Variants in TRAPPC9 observed in about 807,000 individuals in gnomAD.
The protein encoded by TRAPPC9 is IKK2 binding protein.
In TRAPPC9, 83 loss-of-function variants were observed where a neutral mutation model predicts 124.0. The observed-to-expected ratio is 0.67, with a 90% CI of 0.56 to 0.80. The LOEUF (loss-of-function observed/expected upper bound fraction) is 0.80. Among genes scored for constraint, TRAPPC9 ranks in the 30% least tolerant of loss-of-function variants. The probability of loss-of-function intolerance (pLI) is 0.00; values close to 1 mark genes in which losing one functional copy is unlikely to be tolerated. For missense variants in TRAPPC9, 1,302 were observed against 1,508.3 expected (o/e 0.86, Z 2.27); for synonymous variants, 638 against 617.5 (o/e 1.03, Z -0.49).
At chr8:140,417,901 G>T (rs988181668) in intron 5 of TRAPPC9, among the ~76,000 whole-genome samples, 5 of 152,212 alleles carry the variant, frequency 3.3e-5, no homozygotes, top group Middle Eastern at 3.2e-3. Flanking sequence ...ATGACTTCAT[G>T]TCCTTTGCAG....
chr8:139,907,906 T>C lies in TRAPPC9; in HGVS notation c.2964+2241A>G, dbSNP rs895408591. 3.9e-5 allele frequency among the ~76,000 whole-genome samples: 6 copies of C among 152,208 alleles called. No homozygotes were observed. The highest frequency in any genetic ancestry group is 1.2e-4 in the African/African-American group (5 of 41,446). ...CAGACAAGCTACGGGGTGCAGGAAC[T>C]GGCCACGCCACTTTCTCTTTGTGAA... On this transcript the variant is annotated intron_variant, in intron 20 of 22. Transcript: ENST00000438773. This position sits in a 1 kb window ranked among gnomAD's most constrained non-coding sequence, Gnocchi z 4.7.
intron 19 of TRAPPC9, among the ~76,000 whole-genome samples, chr8:139,941,281 A>C (rs1833904083): frequency 6.6e-6 from 1 of 152,218 alleles, no homozygotes; most frequent in African/African-American, 2.4e-5. Flanking sequence ...CAGAAGCCTC[A>C]CAGGGAAACA....
intron 20 of TRAPPC9, among the ~76,000 whole-genome samples, chr8:139,889,223 C>T (rs916894424): frequency 6.6e-6 from 1 of 152,182 alleles, no homozygotes; most frequent in Non-Finnish European, 1.5e-5. Flanking sequence ...ATGATTCCAC[C>T]GATCTGAGGC....
intron 6 of TRAPPC9, among the ~76,000 whole-genome samples, chr8:140,404,741 C>T (rs149881744): frequency 2.0e-4 from 30 of 149,720 alleles, no homozygotes; most frequent in Admixed American, 1.0e-3. Flanking sequence ...TGTGTGCACG[C>T]GTGAGCATGT....
intron 16 of TRAPPC9, among the ~76,000 whole-genome samples, chr8:140,249,597 C>CTTTTTTTT (rs35511380): frequency 3.3e-4 from 27 of 81,980 alleles, no homozygotes; most frequent in East Asian, 5.3e-4. Flanking sequence ...ATCTTTCACT[C>CTTTTTTTT]TTTTTTTTTT....
At chr8:139,752,570 C>T (rs1819396060) in intron 21 of TRAPPC9, among the ~76,000 whole-genome samples, 1 of 151,130 alleles carries the variant, frequency 6.6e-6, no homozygotes. Context: ...ATGTACCCAC[C>T]ATCAATCCAG....
intron 15 of TRAPPC9, among the ~76,000 whole-genome samples, chr8:140,269,621 A>G (rs1447389346): frequency 1.3e-5 from 2 of 152,170 alleles, no homozygotes; most frequent in East Asian, 3.8e-4. Context: ...AGGAGGCTGG[A>G]TAGATATGTA....
chr8:139,744,815 T>C (rs1036480703), intron 21 of TRAPPC9, among the ~76,000 whole-genome samples: 1 of 152,232 alleles, frequency 6.6e-6, no homozygotes, highest in African/African-American at 2.4e-5. Flanking sequence ...TTGGGCTCTC[T>C]TGGGTAAATA....
rs751743745 is a variant in TRAPPC9 at position 139,774,109 on chromosome 8, C to T, written c.3056-41907G>A. Among the ~76,000 whole-genome samples, 32 of 152,280 alleles carry T rather than the reference C, an allele frequency of 2.1e-4. No individual in the cohort carries two copies. The Middle Eastern group carries it at 0.01, about 49-fold the overall frequency. On this transcript the variant is annotated intron_variant, in intron 21 of 22. Transcript: ENST00000438773. ...ACAAGCTCCCCAGGCCACATGGACG[C>T]GGGCGAAGGCCACTGGGGCGGCAAG...
In TRAPPC9 at chr8:140,024,021, T is replaced by C. The variant is rs568917903; in HGVS notation, c.2615A>G (p.Tyr872Cys). 9.9e-6 allele frequency: 16 copies of C among 1,613,910 alleles called. No individual in the cohort carries two copies. Among genetic ancestry groups the C allele is most frequent in the African/African-American group, 4.0e-5 (3 of 74,846 alleles). ...YSGGPGHTEG[Y>C]YRNLSLGLHV... Reference sequence around the variant, plus strand: ...CAGCCCCAGGGAGAGATTCCTGTAATATCCTTCAGTGTGGCCCGGGCCTCC... The same window carrying C: ...CAGCCCCAGGGAGAGATTCCTGTAACATCCTTCAGTGTGGCCCGGGCCTCC... The change falls in exon 18 of 23, where the codon TAT (tyrosine) becomes TGT (cysteine). Residue 872 changes from tyrosine to cysteine, a missense_variant. By Grantham distance (194) the Tyr-to-Cys change is radical. Around this residue, in one of 3 missense-constraint regions of TRAPPC9, gnomAD observed 640 missense variants for 679.3 expected, o/e 0.94. Transcript: ENST00000438773.
rs575671177 is a variant in TRAPPC9 at position 140,261,494 on chromosome 8, T to G, written c.2279-8565A>C. On this transcript the variant is annotated intron_variant, in intron 15 of 22. Coordinates refer to ENST00000438773, the MANE Select transcript of TRAPPC9 (RefSeq NM_001160372.4). ...ATAATACCATTACACATAGAACAGG[T>G]TCAACAACTGCTTGCTGAATTAATT... Among the ~76,000 whole-genome samples the G allele has an allele frequency of 1.2e-3, 176 of 152,220 alleles. 1 individual carries two copies. The highest frequency in any genetic ancestry group is 4.2e-3 in the African/African-American group (174 of 41,524).
At chr8:140,405,083 G>A (rs2069444755) in intron 6 of TRAPPC9, among the ~76,000 whole-genome samples, 1 of 152,136 alleles carries the variant, frequency 6.6e-6, no homozygotes, top group Non-Finnish European at 1.5e-5. Flanking sequence ...TTCTTTTCCA[G>A]TATTTTAGTA....
intron 17 of TRAPPC9, among the ~76,000 whole-genome samples, chr8:140,037,053 T>C (rs923753753): frequency 6.6e-6 from 1 of 151,796 alleles, no homozygotes; most frequent in Admixed American, 6.6e-5. Context: ...TATCATACAG[T>C]CTTTCAGCCC....
At chr8:139,963,313 G>A (rs920880710) in intron 19 of TRAPPC9, among the ~76,000 whole-genome samples, 9 of 152,056 alleles carry the variant, frequency 5.9e-5, no homozygotes, top group Admixed American at 6.5e-5. Context: ...TTCTAAGCCC[G>A]GGCTACGGAA....
At chr8:139,998,170 T>C (rs900753279) in intron 18 of TRAPPC9, among the ~76,000 whole-genome samples, 1 of 152,246 alleles carries the variant, frequency 6.6e-6, no homozygotes, top group Non-Finnish European at 1.5e-5. Flanking sequence ...ATTTTTAAAA[T>C]GCTGAAAGAA....
At chr8:140,009,473 G>A (rs1838977948) in intron 18 of TRAPPC9, among the ~76,000 whole-genome samples, 1 of 152,142 alleles carries the variant, frequency 6.6e-6, no homozygotes, top group African/African-American at 2.4e-5. Context: ...CAACAGATTT[G>A]TACAACCTGT....
At chr8:140,298,758 G>A (rs1267051445) in intron 11 of TRAPPC9, among the ~76,000 whole-genome samples, 1 of 152,190 alleles carries the variant, frequency 6.6e-6, no homozygotes, top group Non-Finnish European at 1.5e-5. Context: ...TGAGATCTAG[G>A]TTCTCCTGTG....
intron 8 of TRAPPC9, among the ~76,000 whole-genome samples, chr8:140,361,539 TTATCA>T (rs2067954522): frequency 6.6e-6 from 1 of 152,226 alleles, no homozygotes. Context: ...AGCAGTTTAT[TTATCA>T]TAAGTTCTCA....
At chr8:139,939,988 T>G (rs1833803480) in intron 19 of TRAPPC9, among the ~76,000 whole-genome samples, 1 of 152,174 alleles carries the variant, frequency 6.6e-6, no homozygotes, top group African/African-American at 2.4e-5. Flanking sequence ...AATCTGAAAT[T>G]CCTATATTTT....
Sources: allele counts gnomAD v4.1 joint callset (sites outside exome capture counted in the v4.1 genomes callset), GRCh38; gene constraint gnomAD v4.1.1; regional missense constraint gnomAD v4.1.1; non-coding constraint Gnocchi (gnomAD v3.1); transcripts MANE v1.5; gene names NCBI Gene and HGNC (gene_info 2026-07-23, HGNC 2026-07-21).